Variants in ADK observed in about 807,000 individuals in gnomAD.
The protein encoded by ADK is N6,N6-dimethyladenosine kinase.
ADK carries 24 observed loss-of-function variants against 44.7 expected under a neutral mutation model. That is an observed-to-expected ratio of 0.54 (90% CI 0.39 to 0.76). The LOEUF is 0.76. Ranked by LOEUF, ADK falls within the 30% of genes least tolerant of loss-of-function variation. The pLI, the probability that ADK is intolerant of heterozygous loss-of-function variation, is 0.00. For missense variants in ADK, 321 were observed against 425.1 expected (o/e 0.76, Z 2.15); for synonymous variants, 128 against 142.6 (o/e 0.90, Z 0.73).
intron 9 of ADK, among the ~76,000 whole-genome samples, chr10:74,656,690 C>T (rs544490909): frequency 6.6e-6 from 1 of 152,318 alleles, no homozygotes; most frequent in South Asian, 2.1e-4. Flanking sequence ...ATGATACCTA[C>T]TTCACAGGGT....
chr10:74,180,644 G>A (rs1842516512), intron 1 of ADK, among the ~76,000 whole-genome samples: 1 of 152,054 alleles, frequency 6.6e-6, no homozygotes, highest in Non-Finnish European at 1.5e-5. Context: ...ATTTTTAGTA[G>A]AGACGGGGTT....
intron 7 of ADK, among the ~76,000 whole-genome samples, chr10:74,570,368 A>G (rs1304651359): frequency 6.6e-6 from 1 of 152,198 alleles, no homozygotes; most frequent in Non-Finnish European, 1.5e-5. Context: ...CTTGGGCAAT[A>G]TGGCCATTTT....
intron 7 of ADK, among the ~76,000 whole-genome samples, chr10:74,570,505 C>A (rs535049834): frequency 6.6e-6 from 1 of 152,046 alleles, no homozygotes; most frequent in African/African-American, 2.4e-5. Flanking sequence ...AGGTCCTTCA[C>A]ATCCCTTGTA....
chr10:74,278,483 A>G (rs985573928), intron 3 of ADK, among the ~76,000 whole-genome samples: 2 of 151,452 alleles, frequency 1.3e-5, no homozygotes, highest in African/African-American at 4.9e-5. Context: ...TTAGATGCAC[A>G]TACTTTTAAA....
At chr10:74,628,852 A>G (rs1032571887) in intron 9 of ADK, among the ~76,000 whole-genome samples, 1 of 152,142 alleles carries the variant, frequency 6.6e-6, no homozygotes, top group African/African-American at 2.4e-5. Context: ...AGAGCAGTCT[A>G]GTTTTAGAAG....
intron 1 of ADK, among the ~76,000 whole-genome samples, chr10:74,167,943 A>G (rs1842072884): frequency 6.6e-6 from 1 of 152,144 alleles, no homozygotes; most frequent in Non-Finnish European, 1.5e-5. Flanking sequence ...GTAAATTTTC[A>G]TAGTTCAATT....
At chr10:74,397,594 G>A (rs1255561912) in intron 5 of ADK, among the ~76,000 whole-genome samples, 2 of 152,180 alleles carry the variant, frequency 1.3e-5, no homozygotes, top group Admixed American at 1.3e-4. Flanking sequence ...CTGGAGTGCA[G>A]TGGCATGATC....
chr10:74,177,946 T>TA (rs1554825917), intron 1 of ADK, among the ~76,000 whole-genome samples: 934 of 32,144 alleles, frequency 0.029, 8 homozygotes, highest in African/African-American at 0.062. Context: ...TATATATATA[T>TA]TTTTTTTTTT....
chr10:74,207,424 T>C (rs1843645522), intron 2 of ADK, among the ~76,000 whole-genome samples: 1 of 152,166 alleles, frequency 6.6e-6, no homozygotes, highest in African/African-American at 2.4e-5. Flanking sequence ...TGGGTCTTCT[T>C]ATCCTGCATC....
At chr10:74,558,157 A>C (rs1208418407) in intron 7 of ADK, among the ~76,000 whole-genome samples, 1 of 152,188 alleles carries the variant, frequency 6.6e-6, no homozygotes, top group Non-Finnish European at 1.5e-5. Context: ...CCTTTATCAA[A>C]GGTCTATGTG....
chr10:74,490,348 A>G (rs1005584421), intron 6 of ADK, among the ~76,000 whole-genome samples: 4 of 152,138 alleles, frequency 2.6e-5, no homozygotes, highest in African/African-American at 9.7e-5. Context: ...AATTAATGAT[A>G]ATGTAGAACG....
chr10:74,638,068 C>T (rs955439000), intron 9 of ADK, among the ~76,000 whole-genome samples: 3 of 152,090 alleles, frequency 2.0e-5, no homozygotes, highest in African/African-American at 7.2e-5. Flanking sequence ...AAGAGATGGC[C>T]ATTTAAAAAT....
intron 1 of ADK, among the ~76,000 whole-genome samples, chr10:74,170,088 T>C (rs919608818): frequency 2.0e-5 from 3 of 152,198 alleles, no homozygotes; most frequent in African/African-American, 7.2e-5. Context: ...GGATATGATA[T>C]AGATTCTTTA....
At chr10:74,611,378 T>A (rs991956565) in intron 9 of ADK, among the ~76,000 whole-genome samples, 26 of 152,106 alleles carry the variant, frequency 1.7e-4, no homozygotes, top group African/African-American at 6.3e-4. Context: ...TTATTTGAAT[T>A]GTAATTTTTC....
chr10:74,343,564 A>G (rs1841657984), intron 4 of ADK, among the ~76,000 whole-genome samples: 1 of 152,108 alleles, frequency 6.6e-6, no homozygotes, highest in Admixed American at 6.5e-5. Flanking sequence ...AGTTCAAACC[A>G]GTGTTGTTCT....
intron 4 of ADK, among the ~76,000 whole-genome samples, chr10:74,377,812 C>G (rs1444708033): frequency 6.6e-6 from 1 of 152,150 alleles, no homozygotes; most frequent in Non-Finnish European, 1.5e-5. Flanking sequence ...CGTGACCAAC[C>G]TCCTATCTCA....
intron 7 of ADK, among the ~76,000 whole-genome samples, chr10:74,547,301 G>A (rs1349958941): frequency 6.6e-6 from 1 of 151,472 alleles, no homozygotes; most frequent in Non-Finnish European, 1.5e-5. Flanking sequence ...ATGTTTCTTT[G>A]GTTTCCTTAA....
chr10:74,541,187 G>C (rs1253218064), intron 7 of ADK, among the ~76,000 whole-genome samples: 1 of 151,970 alleles, frequency 6.6e-6, no homozygotes. Context: ...GCTAATTTTT[G>C]TATTACTAGT....
At chr10:74,530,937 G>C (rs752538242) in intron 7 of ADK, among the ~76,000 whole-genome samples, 3 of 151,990 alleles carry the variant, frequency 2.0e-5, no homozygotes, top group Non-Finnish European at 4.4e-5. Context: ...AAAAAAGAAG[G>C]GTATCTCAAG....
Sources: gnomAD v4.1 joint callset for allele counts (sites outside exome capture counted in the v4.1 genomes callset) on GRCh38, gnomAD v4.1.1 for gene constraint, MANE v1.5 for transcripts, NCBI Gene and HGNC (gene_info 2026-07-23, HGNC 2026-07-21) for gene names.